The following BTBD10 variants were observed in gnomAD, a reference collection of about 807,000 sequenced individuals.
BTBD10 encodes the protein BTB/POZ domain-containing protein 10.
BTBD10 carries 21 observed loss-of-function variants against 53.2 expected under a neutral mutation model. The ratio of observed to expected loss-of-function variants is 0.39; its 90% CI spans 0.28 to 0.57. The LOEUF is 0.57. Among genes scored for constraint, BTBD10 ranks in the 20% least tolerant of loss-of-function variants. The probability of loss-of-function intolerance (pLI) is 0.53; values close to 1 mark genes in which losing one functional copy is unlikely to be tolerated. For missense variants in BTBD10, 360 were observed against 594.7 expected, an observed-to-expected ratio of 0.61 and a Z score of 4.10; for synonymous variants, 149 against 192.7, an observed-to-expected ratio of 0.77 and a Z score of 1.88.
At chr11:13,452,633 T>A (rs955225887) in intron 1 of BTBD10, among the ~76,000 whole-genome samples, 5 of 152,148 alleles carry the variant, frequency 3.3e-5, no homozygotes, top group African/African-American at 4.8e-5. Context: ...ACATAAACTT[T>A]TGATAAGGAA....
chr11:13,460,960 C>T (rs778276415), intron 1 of BTBD10, among the ~76,000 whole-genome samples: 3 of 152,116 alleles, frequency 2.0e-5, no homozygotes, highest in Non-Finnish European at 4.4e-5. Context: ...GTTTTTAAAC[C>T]ATAAATACTG....
intron 1 of BTBD10, among the ~76,000 whole-genome samples, chr11:13,446,722 A>G (rs1950754971): frequency 6.6e-6 from 1 of 152,168 alleles, no homozygotes; most frequent in African/African-American, 2.4e-5. Flanking sequence ...TGTATCATAA[A>G]TCAATCAGGT....
chr11:13,412,383 G>GTT (rs1949976815), intron 6 of BTBD10, among the ~76,000 whole-genome samples: 1 of 152,134 alleles, frequency 6.6e-6, no homozygotes, highest in South Asian at 2.1e-4. Context: ...AACTCAGGAA[G>GTT]CAGAGGTTGC....
At chr11:13,433,875 CA>C (rs1950499367) in intron 2 of BTBD10, among the ~76,000 whole-genome samples, 1 of 152,100 alleles carries the variant, frequency 6.6e-6, no homozygotes, top group Admixed American at 6.5e-5. Context: ...GATTTAATAA[CA>C]ATTTATCTCT....
intron 4 of BTBD10, among the ~76,000 whole-genome samples, chr11:13,418,257 A>C (rs1238331788): frequency 1.3e-5 from 2 of 152,128 alleles, no homozygotes; most frequent in African/African-American, 4.8e-5. Flanking sequence ...CACTTTAGTC[A>C]ATCGGCATAA....
intron 1 of BTBD10, among the ~76,000 whole-genome samples, chr11:13,461,180 T>C (rs1951086779): frequency 6.6e-6 from 1 of 152,218 alleles, no homozygotes; most frequent in South Asian, 2.1e-4. Flanking sequence ...TTAATTTTGA[T>C]TTATAACAGA....
At chr11:13,403,116 A>T in intron 8 of BTBD10, 52 bp downstream of exon 8, 1 of 1,128,490 alleles carries the variant, frequency 8.9e-7, no homozygotes, top group Non-Finnish European at 1.3e-6. Flanking sequence ...AATTGTTTTT[A>T]ACCTTTTTGT....
chr11:13,409,256 A>G (rs1051205155), intron 6 of BTBD10, among the ~76,000 whole-genome samples: 15 of 152,148 alleles, frequency 9.9e-5, no homozygotes, highest in African/African-American at 1.9e-4. Flanking sequence ...TTTATTTCCA[A>G]TGAAAGTTTC....
At chr11:13,439,761 C>A in intron 2 of BTBD10, 2 of 725,790 alleles carry the variant, frequency 2.8e-6, no homozygotes, top group Non-Finnish European at 4.1e-6. Context: ...TGATCTTTAT[C>A]TTTAGTCATG....
intron 1 of BTBD10, among the ~76,000 whole-genome samples, chr11:13,457,659 G>A (rs1465976856): frequency 1.3e-5 from 2 of 152,182 alleles, no homozygotes; most frequent in East Asian, 3.9e-4. Flanking sequence ...GGCAGAGTAG[G>A]ACTGGGGTGA....
intron 8 of BTBD10, among the ~76,000 whole-genome samples, chr11:13,399,786 G>A (rs182579877): frequency 2.0e-5 from 3 of 152,316 alleles, no homozygotes; most frequent in Admixed American, 1.3e-4. Flanking sequence ...TCAGCAGCAG[G>A]TCTGTTGGAG....
At chr11:13,457,638 T>C (rs1356956191) in intron 1 of BTBD10, among the ~76,000 whole-genome samples, 2 of 152,146 alleles carry the variant, frequency 1.3e-5, no homozygotes, top group Non-Finnish European at 2.9e-5. Context: ...ATCAAAATGG[T>C]TACCTATATG....
intron 2 of BTBD10, among the ~76,000 whole-genome samples, chr11:13,427,968 G>A (rs1337003779): frequency 6.7e-6 from 1 of 149,454 alleles, no homozygotes. Context: ...TTGTGGCATG[G>A]TATGACATTG....
intron 8 of BTBD10, among the ~76,000 whole-genome samples, chr11:13,398,230 A>G (rs1233504262): frequency 6.6e-6 from 1 of 152,038 alleles, no homozygotes; most frequent in Non-Finnish European, 1.5e-5. Flanking sequence ...GTGCTCCTCT[A>G]TTGGGTGCAT....
At chr11:13,401,124 G>GATATATATAGAT (rs1555018036) in intron 8 of BTBD10, among the ~76,000 whole-genome samples, 4 of 149,018 alleles carry the variant, frequency 2.7e-5, no homozygotes, top group East Asian at 3.9e-4. Flanking sequence ...TTATATATCA[G>GATATATATAGAT]ATATATATAT....
intron 1 of BTBD10, among the ~76,000 whole-genome samples, chr11:13,457,368 C>T (rs1205283188): frequency 6.6e-6 from 1 of 151,948 alleles, no homozygotes; most frequent in East Asian, 1.9e-4. Context: ...AAGACTAAAA[C>T]AATCGGAATG....
chr11:13,436,030 T>C (rs1950538222), intron 2 of BTBD10, among the ~76,000 whole-genome samples: 1 of 152,200 alleles, frequency 6.6e-6, no homozygotes, highest in Admixed American at 6.5e-5. Context: ...CTAAGAAATA[T>C]CCACAGAAAC....
intron 2 of BTBD10, among the ~76,000 whole-genome samples, chr11:13,427,023 C>T (rs1349825157): frequency 6.6e-6 from 1 of 152,120 alleles, no homozygotes; most frequent in Admixed American, 6.5e-5. Flanking sequence ...CGAGACCAGC[C>T]TTTGGCAACG....
intron 1 of BTBD10, among the ~76,000 whole-genome samples, chr11:13,455,304 T>C (rs1366805710): frequency 2.0e-5 from 3 of 152,248 alleles, no homozygotes. Context: ...CAGAGGTGAT[T>C]TGGATATAAA....
Sources: allele counts gnomAD v4.1 joint callset (sites outside exome capture counted in the v4.1 genomes callset), GRCh38; gene constraint gnomAD v4.1.1; transcripts MANE v1.5; gene names NCBI Gene and HGNC (gene_info 2026-07-23, HGNC 2026-07-21).